Variants in TENM4 observed in about 807,000 individuals in gnomAD.
The protein encoded by TENM4 is teneurin-4.
Under a neutral mutation model 243.3 loss-of-function variants are expected in TENM4, and 82 were observed. That is an observed-to-expected ratio of 0.34 (90% confidence interval 0.28 to 0.40). The LOEUF (loss-of-function observed/expected upper bound fraction) is 0.40. Among genes scored for constraint, TENM4 ranks in the 10% least tolerant of loss-of-function variants. The pLI is 1.00. For missense variants in TENM4, 3,138 were observed against 3,673.3 expected, an observed-to-expected ratio of 0.85 and a Z score of 3.77; for synonymous variants, 1,412 against 1,456.3, an observed-to-expected ratio of 0.97 and a Z score of 0.69.
At chr11:79,129,903 T>A (rs1450344463) in intron 4 of TENM4, among the ~76,000 whole-genome samples, 1 of 152,064 alleles carries the variant, frequency 6.6e-6, no homozygotes, top group South Asian at 2.1e-4. Flanking sequence ...CTCTGGAAAG[T>A]GTCACCTCCT....
chr11:78,738,407 A>C, intron 20 of TENM4, 44 bp downstream of exon 20: 1 of 1,592,618 alleles, frequency 6.3e-7, no homozygotes, highest in Non-Finnish European at 8.6e-7. Context: ...CAAGACCACA[A>C]GAGCGGGACC....
chr11:78,751,802 T>C (rs1003422613), intron 19 of TENM4, among the ~76,000 whole-genome samples: 9 of 152,208 alleles, frequency 5.9e-5, no homozygotes, highest in African/African-American at 2.2e-4. Context: ...CCCAGCTCTC[T>C]GATCCCAAAC....
At chr11:79,082,813 AG>A (rs1860708531) in intron 4 of TENM4, among the ~76,000 whole-genome samples, 1 of 152,198 alleles carries the variant, frequency 6.6e-6, no homozygotes, top group South Asian at 2.1e-4. Context: ...CAAGCCTCAA[AG>A]GGGTGGAGGA....
At chr11:78,960,734 A>G (rs1857302193) in intron 6 of TENM4, among the ~76,000 whole-genome samples, 1 of 152,142 alleles carries the variant, frequency 6.6e-6, no homozygotes, top group Non-Finnish European at 1.5e-5. Flanking sequence ...CAGTCACAGA[A>G]CATACTAGGT....
At chr11:79,288,604 C>T (rs1044580099) in intron 2 of TENM4, among the ~76,000 whole-genome samples, 3 of 152,194 alleles carry the variant, frequency 2.0e-5, no homozygotes, top group Admixed American at 6.5e-5. Context: ...AACAGACCTA[C>T]GATAAATCCC....
intron 1 of TENM4, among the ~76,000 whole-genome samples, chr11:79,398,513 G>A (rs1858392295): frequency 6.6e-6 from 1 of 152,030 alleles, no homozygotes; most frequent in African/African-American, 2.4e-5. Context: ...ACTAACAGTG[G>A]TAGCTCCTCT....
At chr11:78,930,441 A>G (rs953478384) in intron 6 of TENM4, among the ~76,000 whole-genome samples, 19 of 152,312 alleles carry the variant, frequency 1.2e-4, no homozygotes, top group Middle Eastern at 6.8e-3. Context: ...TCTTGCACAC[A>G]TAGGCAGGTC....
rs77093393 is a variant in TENM4 at position 78,736,307 on chromosome 11, A to G, written c.2876+2144T>C. Among the ~76,000 whole-genome samples, 1,315 of 152,142 alleles carry G rather than the reference A, an allele frequency of 8.6e-3. 8 individuals carry two copies. The highest frequency in any genetic ancestry group is 0.015 in the African/African-American group (605 of 41,516). ...TTTTAATTCAATGAGCCTAATCTAC[A>G]TCTCTTGCCTGCTGTTCTTTTAGTT... On this transcript the variant is annotated intron_variant, in intron 20 of 33. Transcript: ENST00000278550.
intron 3 of TENM4, among the ~76,000 whole-genome samples, chr11:79,158,352 C>T (rs1862667072): frequency 6.6e-6 from 1 of 152,192 alleles, no homozygotes. Context: ...AGACTACAGA[C>T]ACAGGCAAGA....
At chr11:79,298,756 C>T (rs781287970) in intron 1 of TENM4, among the ~76,000 whole-genome samples, 1 of 152,114 alleles carries the variant, frequency 6.6e-6, no homozygotes, top group Non-Finnish European at 1.5e-5. Flanking sequence ...CAGCAAGGCT[C>T]GGCGAGCCGT....
At chr11:79,022,638 A>G (rs564764490) in intron 6 of TENM4, among the ~76,000 whole-genome samples, 1 of 152,340 alleles carries the variant, frequency 6.6e-6, no homozygotes, top group African/African-American at 2.4e-5. Context: ...TTTTTAAAAG[A>G]CACACACGAT....
At chr11:79,358,855 G>C (rs970887938) in intron 1 of TENM4, among the ~76,000 whole-genome samples, 1 of 151,964 alleles carries the variant, frequency 6.6e-6, no homozygotes, top group Non-Finnish European at 1.5e-5. Flanking sequence ...CTATGGGCCA[G>C]GCACGGAGCT....
intron 3 of TENM4, among the ~76,000 whole-genome samples, chr11:79,190,207 T>A (rs1863452472): frequency 6.6e-6 from 1 of 152,172 alleles, no homozygotes; most frequent in African/African-American, 2.4e-5. Flanking sequence ...ATGGTCACAT[T>A]TTTCGCTTAG....
chr11:79,413,946 G>A (rs540670164), intron 1 of TENM4, among the ~76,000 whole-genome samples: 1 of 152,092 alleles, frequency 6.6e-6, no homozygotes, highest in Non-Finnish European at 1.5e-5. Context: ...TTAAGAAAAA[G>A]AAAGATCAAT....
intron 6 of TENM4, among the ~76,000 whole-genome samples, chr11:78,913,701 G>A (rs1856249560): frequency 6.6e-6 from 1 of 151,880 alleles, no homozygotes; most frequent in African/African-American, 2.4e-5. Flanking sequence ...TCATGGAAAT[G>A]TAGGTAGGCT....
At position 79,315,094 on chromosome 11, in the gene TENM4, C is replaced by T. The variant is rs369377079; in HGVS notation, c.-320-17551G>A. Among the ~76,000 whole-genome samples, 145 of 152,250 alleles carry T rather than the reference C, an allele frequency of 9.5e-4. 5 individuals are homozygous for T. The South Asian group carries it at 0.029, about 30-fold the overall frequency. On this transcript the variant is annotated intron_variant, in intron 1 of 33. Coordinates refer to ENST00000278550, the MANE Select transcript of TENM4 (RefSeq NM_001098816.3). Reference sequence around the variant, plus strand: ...CCTTGTTATTTAAGCTGAGTAATAGCGTGGGAGTAGGAGTTTACTAGAAAA... The same window carrying T: ...CCTTGTTATTTAAGCTGAGTAATAGTGTGGGAGTAGGAGTTTACTAGAAAA...
chr11:79,242,145 C>A (rs151322383), intron 2 of TENM4, among the ~76,000 whole-genome samples: 18 of 152,196 alleles, frequency 1.2e-4, no homozygotes, highest in Admixed American at 7.2e-4. Flanking sequence ...GGAGCAGAGG[C>A]CTTCCTCGAC....
chr11:79,075,326 T>G (rs2137014263), intron 4 of TENM4, among the ~76,000 whole-genome samples: 1 of 152,276 alleles, frequency 6.6e-6, no homozygotes, highest in East Asian at 1.9e-4. Context: ...TCCAGAACCC[T>G]CTATCCTGAC....
At position 79,158,773 on chromosome 11, in the gene TENM4, T is replaced by A. The variant is rs142480083; in HGVS notation, c.-162-9967A>T. On this transcript the variant is annotated intron_variant, in intron 3 of 33. Transcript: ENST00000278550. ...GGGATGTTGAATAATTTGCACAGGA[T>A]CATACAGGCAGGAGAGATGGATTCA... 1.2e-3 allele frequency among the ~76,000 whole-genome samples: 186 copies of A among 152,282 alleles called. 1 individual carries two copies. The highest frequency in any genetic ancestry group is 2.1e-3 in the Non-Finnish European group (141 of 68,016).
Sources: allele counts gnomAD v4.1 joint callset (sites outside exome capture counted in the v4.1 genomes callset), GRCh38; gene constraint gnomAD v4.1.1; transcripts MANE v1.5; gene names NCBI Gene and HGNC (gene_info 2026-07-23, HGNC 2026-07-21).